Variants in KIF9 observed in about 807,000 individuals in gnomAD.
The protein encoded by KIF9 is kinesin-like protein KIF9.
Under a neutral mutation model 94.8 loss-of-function variants are expected in KIF9, and 68 were observed. The observed-to-expected ratio is 0.72, with a 90% confidence interval of 0.59 to 0.88. The LOEUF is 0.88. KIF9 is among the 40% of genes least tolerant of loss of function. KIF9 has a pLI of 0.00. For synonymous variants in KIF9, 343 were observed against 362.1 expected (o/e 0.95, Z 0.60); for missense variants, 882 against 982.5 (o/e 0.90, Z 1.37).
intron 20 of KIF9, 74 bp downstream of exon 20, chr3:47,235,439 A>C (rs1181730099): frequency 9.8e-7 from 1 of 1,022,218 alleles, no homozygotes; most frequent in Non-Finnish European, 1.5e-6. Context: ...ACCTCTCTAA[A>C]GTAGGGAATA....
chr3:47,271,158 A>G, intron 5 of KIF9, 79 bp downstream of exon 5: 1 of 1,030,572 alleles, frequency 9.7e-7, no homozygotes, highest in Non-Finnish European at 1.4e-6. Flanking sequence ...AAAGAAAAAG[A>G]AAAAGAAAAA....
chr3:47,282,177 C>T (rs994513614), intron 1 of KIF9: 3 of 985,122 alleles, frequency 3.0e-6, no homozygotes, highest in Admixed American at 6.2e-5. Context: ...ATCCCAAAGC[C>T]CCCTCTAGTT....
At chr3:47,258,742 G>A (rs950464229) in intron 9 of KIF9, among the ~76,000 whole-genome samples, 7 of 152,118 alleles carry the variant, frequency 4.6e-5, no homozygotes, top group South Asian at 2.1e-4. Context: ...CCCTGAGGCC[G>A]CCCCCAAAGC....
intron 1 of KIF9, 38 bp downstream of exon 1, chr3:47,282,457 C>T (rs1199690651): frequency 1.0e-6 from 1 of 988,346 alleles, no homozygotes; most frequent in Non-Finnish European, 1.2e-6. Context: ...ACCCTTTTCC[C>T]GTCTCCCCAC....
In KIF9 at chr3:47,260,122, G is replaced by A. The variant is rs373642035; in HGVS notation, c.982-2562C>T. Among the ~76,000 whole-genome samples, 26 of 129,382 alleles carry A rather than the reference G, an allele frequency of 2.0e-4. No homozygotes were observed. In the East Asian group the frequency reaches 5.4e-3, roughly 27 times the overall value. 84.9% of individuals were successfully genotyped at this position (129,382 alleles called of 152,430 possible). On this transcript the variant is annotated intron_variant, in intron 9 of 20. Coordinates refer to ENST00000684063, the MANE Select transcript of KIF9 (RefSeq NM_182902.4). ...ATAGGGAAAAACCGCCTTAGGGCTG[G>A]AGGTGGGACCTGCGGGCAGCAATAC...
At position 47,269,981 on chromosome 3, in the gene KIF9, G is replaced by A. The variant is rs368226010; in HGVS notation, c.591+1256C>T. 2.9e-4 allele frequency among the ~76,000 whole-genome samples: 44 copies of A among 151,970 alleles called. No homozygotes were observed. In the South Asian group the frequency reaches 8.5e-3, roughly 29 times the overall value. On this transcript the variant is annotated intron_variant, in intron 5 of 20. Transcript: ENST00000684063. ...GACGGGGTTTCACCATGTTGGCCAG[G>A]ATGGTCTCAATCTCCTGATCTTGTG...
At chr3:47,269,062 C>A (rs1701469095) in intron 5 of KIF9, among the ~76,000 whole-genome samples, 1 of 152,148 alleles carries the variant, frequency 6.6e-6, no homozygotes, top group East Asian at 1.9e-4. Context: ...GTGTGAGACA[C>A]CGCGCCTGGC....
intron 1 of KIF9, among the ~76,000 whole-genome samples, chr3:47,281,640 G>C (rs542397270): frequency 6.6e-6 from 1 of 152,190 alleles, no homozygotes; most frequent in African/African-American, 2.4e-5. Context: ...GAGCCACGGC[G>C]CCCGGCCCCC....
At chr3:47,263,614 C>T (rs1227765085) in intron 9 of KIF9, 2 of 333,586 alleles carry the variant, frequency 6.0e-6, no homozygotes, top group Non-Finnish European at 1.2e-5. Context: ...TCTGCTTATC[C>T]TACCACCCAT....
At chr3:47,273,952 A>T (rs1332616275) in intron 3 of KIF9, among the ~76,000 whole-genome samples, 1 of 152,154 alleles carries the variant, frequency 6.6e-6, no homozygotes, top group African/African-American at 2.4e-5. Flanking sequence ...AGGGAATCTC[A>T]GGGTACAGAG....
Position 47,255,163 on chromosome 3 carries a change from A to G in KIF9, c.1059+2320T>C, listed in dbSNP as rs532334500. 2.6e-5 allele frequency among the ~76,000 whole-genome samples: 4 copies of G among 152,326 alleles called. No individual in the cohort carries two copies. The East Asian group carries it at 7.7e-4, about 29-fold the overall frequency. On this transcript the variant is annotated intron_variant, in intron 10 of 20. Transcript: ENST00000684063. The stretch of plus-strand genomic sequence containing the variant: ...ATCTTAGAGGAAAGCCAAATTAACA[A>G]TAAATGTGTTTTTACTACACCAGAT...
chr3:47,246,518 A>C, intron 12 of KIF9: 1 of 264,516 alleles, frequency 3.8e-6, no homozygotes. Context: ...TATAAAATGA[A>C]ATGATTCTAT....
At position 47,241,882 on chromosome 3, in the gene KIF9, A is replaced by ATT. The variant is rs1256187442; in HGVS notation, c.1710-868_1710-867insAA. ...TATATACACATATATATATATATAT[A>ATT]TATTTTTTTTTTTTTTTCTTTGGAG... On this transcript the variant is annotated intron_variant, in intron 16 of 20. Coordinates refer to ENST00000684063, the MANE Select transcript of KIF9 (RefSeq NM_182902.4). Among the ~76,000 whole-genome samples, 71 of 97,290 alleles carry ATT rather than the reference A, an allele frequency of 7.3e-4. 1 individual carries two copies. The highest frequency in any genetic ancestry group is 2.9e-3 in the African/African-American group (67 of 23,152). 63.8% of individuals were successfully genotyped at this position (97,290 alleles called of 152,430 possible).
chr3:47,270,537 C>T (rs1701581329), intron 5 of KIF9, among the ~76,000 whole-genome samples: 1 of 151,992 alleles, frequency 6.6e-6, no homozygotes, highest in African/African-American at 2.4e-5. Flanking sequence ...TTACAGGCAT[C>T]ACCCACTGCA....
chr3:47,239,105 C>T (rs1229401854), intron 17 of KIF9, among the ~76,000 whole-genome samples: 2 of 152,170 alleles, frequency 1.3e-5, no homozygotes. Context: ...GAGGCTGAGG[C>T]AGCAGAATCA....
rs753122745 is a variant in KIF9 at position 47,235,629 on chromosome 3, C to T, written c.2218-12G>A. 6.3e-7 allele frequency: 1 copy of T among 1,598,522 alleles called. No homozygotes were observed. The highest frequency in any genetic ancestry group is 8.6e-7 in the Non-Finnish European group (1 of 1,165,974). On this transcript the variant is annotated splice_polypyrimidine_tract_variant and intron_variant, in intron 19 of 20. Coordinates refer to ENST00000684063, the MANE Select transcript of KIF9 (RefSeq NM_182902.4). ...TGGTCATCTTCTCCCTGGGGGAGGA[C>T]AGTCCCTTTAGCATGGTATTGTCAG... is the stretch of plus-strand genomic sequence containing the variant.
chr3:47,279,610 T>G (rs1287215985), intron 1 of KIF9, among the ~76,000 whole-genome samples: 1 of 151,816 alleles, frequency 6.6e-6, no homozygotes, highest in Non-Finnish European at 1.5e-5. Flanking sequence ...TGGTAATATT[T>G]TATTTTATTT....
At chr3:47,264,430 C>T in intron 8 of KIF9, 80 bp from the exon 9 acceptor site, 2 of 1,138,366 alleles carry the variant, frequency 1.8e-6, no homozygotes, top group Non-Finnish European at 2.6e-6. Context: ...CTGTTATATA[C>T]TGAATGCTTT....
chr3:47,265,422 T>C (rs1701229984), intron 8 of KIF9, among the ~76,000 whole-genome samples: 1 of 152,142 alleles, frequency 6.6e-6, no homozygotes, highest in Non-Finnish European at 1.5e-5. Context: ...AGAGAGGCCC[T>C]CGCCCCAAGT....
Sources: allele counts gnomAD v4.1 joint callset (sites outside exome capture counted in the v4.1 genomes callset), GRCh38; gene constraint gnomAD v4.1.1; transcripts MANE v1.5; gene names NCBI Gene and HGNC (gene_info 2026-07-23, HGNC 2026-07-21).